The following TIAM1 variants were observed in gnomAD, a reference collection of about 807,000 sequenced individuals.
TIAM1 encodes the protein rho guanine nucleotide exchange factor TIAM1.
TIAM1 carries 65 observed loss-of-function variants against 163.5 expected under a neutral mutation model. The observed-to-expected ratio is 0.40, with a 90% CI of 0.33 to 0.49. The LOEUF (loss-of-function observed/expected upper bound fraction) is 0.49, where lower values mean the gene tolerates loss of function less well. TIAM1 is among the 20% of genes least tolerant of loss of function. TIAM1 has a pLI of 0.77. For synonymous variants in TIAM1, 833 were observed against 810.1 expected (o/e 1.03, Z -0.48); for missense variants, 1,789 against 2,044.7 (o/e 0.87, Z 2.41).
At position 31,425,772 on chromosome 21, in the gene TIAM1, T is replaced by C. The variant is rs188934689; in HGVS notation, c.-369+38211A>G. Among the ~76,000 whole-genome samples, 284 of 151,700 alleles carry C rather than the reference T, an allele frequency of 1.9e-3. 2 individuals are homozygous for C. The highest frequency in any genetic ancestry group is 6.7e-3 in the African/African-American group (276 of 41,374). The stretch of plus-strand genomic sequence containing the variant: ...GTTGCAATGGCGAGATCTCAGCTCA[T>C]TGCAACCTCCGCCTCGCAGGTTCAA... On this transcript the variant is annotated intron_variant, in intron 2 of 28. Transcript: ENST00000286827.
intron 2 of TIAM1, among the ~76,000 whole-genome samples, chr21:31,300,556 C>G (rs1384320258): frequency 6.6e-6 from 1 of 152,176 alleles, no homozygotes; most frequent in African/African-American, 2.4e-5. Flanking sequence ...TGATAAACGT[C>G]AAGGATAAGA....
chr21:31,487,898 G>T lies in TIAM1; in HGVS notation c.-421-23863C>A, dbSNP rs376663903. 1.3e-4 allele frequency among the ~76,000 whole-genome samples: 20 copies of T among 151,692 alleles called. No homozygotes were observed. The East Asian group carries it at 3.3e-3, about 25-fold the overall frequency. ...GTGGAGATGAGGTTTCGCCATGTTG[G>T]CCAGGCTGGTCTCAAGCATCTGGGC... On this transcript the variant is annotated intron_variant, in intron 1 of 28. Coordinates refer to the TIAM1 transcript ENST00000286827.
chr21:31,216,802 T>C (rs1485615560), intron 9 of TIAM1, among the ~76,000 whole-genome samples: 1 of 151,944 alleles, frequency 6.6e-6, no homozygotes, highest in Non-Finnish European at 1.5e-5. Flanking sequence ...GTCTCCTCAT[T>C]CCAGTAGGCA....
At chr21:31,333,811 G>T (rs937308141) in intron 2 of TIAM1, among the ~76,000 whole-genome samples, 1 of 152,056 alleles carries the variant, frequency 6.6e-6, no homozygotes, top group Admixed American at 6.5e-5. Flanking sequence ...GTACCCCAAA[G>T]ATGATATTCT....
Position 31,146,932 on chromosome 21 carries a change from G to A in TIAM1, c.3438C>T (p.Cys1146=), listed in dbSNP as rs141775592. The change falls in exon 20 of 28, where the codon TGC becomes TGT. Residue 1146 remains cysteine (C), a synonymous_variant. Transcript: ENST00000541036. Reference sequence around the variant, plus strand: ...CCTTGGGAACTTTTGTGTGGCTGGCGCAGAAGGCACTGTAGAGCTTGAAGC... The same window carrying A: ...CCTTGGGAACTTTTGTGTGGCTGGCACAGAAGGCACTGTAGAGCTTGAAGC... The part of the protein sequence containing the change: ...ADRFKLYSAF[C]ASHTKVPKVL... 85 of 1,614,068 alleles carry A rather than the reference G, an allele frequency of 5.3e-5. No individual in the cohort carries two copies. The highest frequency in any genetic ancestry group is 1.6e-4 in the Middle Eastern group (1 of 6,062).
At position 31,376,687 on chromosome 21, in the gene TIAM1, C is replaced by T. The variant is rs187977356; in HGVS notation, c.-368-37265G>A. Reference sequence around the variant, plus strand: ...CAAATAAAAGAACCTTTTCCATACTCAGTGCCTACATGCTGACTAATGTCA... The same window carrying T: ...CAAATAAAAGAACCTTTTCCATACTTAGTGCCTACATGCTGACTAATGTCA... On this transcript the variant is annotated intron_variant, in intron 2 of 28. Transcript: ENST00000286827. Among the ~76,000 whole-genome samples the T allele has an allele frequency of 2.4e-4, 37 of 151,874 alleles. No individual in the cohort carries two copies. The Middle Eastern group carries it at 0.01, about 42-fold the overall frequency.
chr21:31,350,261 C>A (rs796364313), intron 2 of TIAM1, among the ~76,000 whole-genome samples: 4 of 152,202 alleles, frequency 2.6e-5, no homozygotes, highest in African/African-American at 9.6e-5. Context: ...CAGGTCCAAC[C>A]AATTTAATGG....
chr21:31,130,384 C>T, intron 24 of TIAM1, 69 bp from the exon 25 acceptor site: 1 of 1,276,204 alleles, frequency 7.8e-7, no homozygotes, highest in Non-Finnish European at 1.1e-6. Flanking sequence ...CCTGCATTTT[C>T]TAAACCAGCG....
chr21:31,290,542 G>C (rs2073979709), intron 2 of TIAM1, among the ~76,000 whole-genome samples: 1 of 151,030 alleles, frequency 6.6e-6, no homozygotes, highest in East Asian at 2.0e-4. Context: ...AGCTACTCTG[G>C]AGGCTGAGGC....
At chr21:31,169,052 G>A (rs1328727784) in intron 15 of TIAM1, among the ~76,000 whole-genome samples, 1 of 152,198 alleles carries the variant, frequency 6.6e-6, no homozygotes, top group Non-Finnish European at 1.5e-5. Flanking sequence ...CAGCACTTTT[G>A]GGAGGCTGAG....
At chr21:31,238,838 A>G (rs1414679777) in intron 6 of TIAM1, among the ~76,000 whole-genome samples, 1 of 152,222 alleles carries the variant, frequency 6.6e-6, no homozygotes. Flanking sequence ...CATAGGCTTG[A>G]TTTGAGTTGA....
rs2083147128 is a variant in TIAM1, at chr21:31,146,920, T to C, written c.3450A>G (p.Thr1150=). ...KLYSAFCASH[T]KVPKVLVKAK... ...CTTTCACCAGGACCTTGGGAACTTT[T>C]GTGTGGCTGGCGCAGAAGGCACTGT... Residue 1150 remains threonine (T), a synonymous_variant, in exon 20 of 28, where the codon ACA becomes ACG. Transcript: ENST00000541036. The C allele has an allele frequency of 4.3e-6, 7 of 1,614,048 alleles. No individual in the cohort carries two copies. In the African/African-American group the frequency reaches 9.3e-5, roughly 22 times the overall value.
chr21:31,263,313 G>T (rs1482732297), intron 4 of TIAM1, among the ~76,000 whole-genome samples: 1 of 152,178 alleles, frequency 6.6e-6, no homozygotes, highest in Non-Finnish European at 1.5e-5. Flanking sequence ...TGGAGTGACT[G>T]GCCCAAGGTC....
chr21:31,362,292 A>G (rs1220463186), intron 2 of TIAM1, among the ~76,000 whole-genome samples: 1 of 152,018 alleles, frequency 6.6e-6, no homozygotes, highest in East Asian at 1.9e-4. Flanking sequence ...TGAGTTATGG[A>G]CATGACAATT....
intron 3 of TIAM1, among the ~76,000 whole-genome samples, chr21:31,267,950 C>T (rs575530743): frequency 6.6e-6 from 1 of 152,302 alleles, no homozygotes; most frequent in East Asian, 1.9e-4. Flanking sequence ...CTCTCACTGA[C>T]CCGATGACAC....
intron 1 of TIAM1, among the ~76,000 whole-genome samples, chr21:31,556,666 T>C (rs2048890631): frequency 6.6e-6 from 1 of 152,204 alleles, no homozygotes; most frequent in South Asian, 2.1e-4. Context: ...AAAGTAGCAG[T>C]GCAGAGCTAG....
chr21:31,209,530 T>G (rs1490167533), intron 11 of TIAM1, among the ~76,000 whole-genome samples: 1 of 152,240 alleles, frequency 6.6e-6, no homozygotes, highest in Non-Finnish European at 1.5e-5. Context: ...GTCAAACTTA[T>G]ATTTCCTTCC....
chr21:31,167,484 G>A (rs538614364), intron 15 of TIAM1, among the ~76,000 whole-genome samples: 4 of 152,266 alleles, frequency 2.6e-5, no homozygotes, highest in African/African-American at 9.6e-5. Flanking sequence ...TAAAACAAAT[G>A]TCCTTTTTAA....
At chr21:31,398,945 G>A (rs1365770762) in intron 2 of TIAM1, among the ~76,000 whole-genome samples, 1 of 152,212 alleles carries the variant, frequency 6.6e-6, no homozygotes, top group African/African-American at 2.4e-5. Flanking sequence ...GGAGGCTGAG[G>A]CTGGCAGCTC....
Sources: allele counts gnomAD v4.1 joint callset (sites outside exome capture counted in the v4.1 genomes callset), GRCh38; gene constraint gnomAD v4.1.1; transcripts MANE v1.5; gene names NCBI Gene and HGNC (gene_info 2026-07-23, HGNC 2026-07-21).